TBC1D17: variants seen among roughly 807,000 people sequenced by gnomAD.
TBC1D17 encodes the protein TBC1 domain family, member 17.
TBC1D17 carries 69 observed loss-of-function variants against 78.8 expected under a neutral mutation model. The ratio of observed to expected loss-of-function variants is 0.88; its 90% CI spans 0.72 to 1.07. TBC1D17 has a LOEUF of 1.07. Ranked by LOEUF, TBC1D17 falls within the 50% of genes least tolerant of loss-of-function variation. The pLI, the probability that TBC1D17 is intolerant of heterozygous loss-of-function variation, is 0.00. For missense variants in TBC1D17, 957 were observed against 861.0 expected (o/e 1.11, Z -1.39); for synonymous variants, 456 against 358.3 (o/e 1.27, Z -3.08).
rs1175992294 is a variant in TBC1D17, at chr19:49,881,291, G to T, written c.343G>T (p.Gly115Cys). The T allele has an allele frequency of 1.2e-6, 2 of 1,612,940 alleles. No individual in the cohort carries two copies. Among genetic ancestry groups the T allele is most frequent in the Non-Finnish European group, 1.7e-6 (2 of 1,179,950 alleles). ...TRGAEPSCPQGSWAFSVSLGE... is the reference protein window; with the variant it reads ...TRGAEPSCPQCSWAFSVSLGE... ...AGGTGCAGAGCCCAGCTGCCCCCAG[G>T]GCTCCTGGGCCTTCTCAGTGAGTCT... The change falls in exon 5 of 17, where the codon GGC (glycine) becomes TGC (cysteine). Residue 115 changes from glycine to cysteine, a missense_variant. Physicochemically the swap from Gly to Cys is radical, Grantham distance 159. Transcript: ENST00000221543.
intron 4 of TBC1D17, 138 bp from the exon 5 acceptor site, chr19:49,881,130 G>A (rs538484779): frequency 1.7e-4 from 120 of 689,898 alleles, no homozygotes; most frequent in Non-Finnish European, 2.7e-4. Flanking sequence ...TCCAAGGAAT[G>A]TGAGGCCAGG....
At chr19:49,883,397 G>T (rs1393156899) in intron 9 of TBC1D17, among the ~76,000 whole-genome samples, 1 of 152,188 alleles carries the variant, frequency 6.6e-6, no homozygotes, top group Non-Finnish European at 1.5e-5. Flanking sequence ...AGTGCTGGAC[G>T]ATTCCCTGTC....
In TBC1D17 at chr19:49,880,268, C is replaced by T; in HGVS notation, c.196-11C>T. 2 of 1,613,816 alleles carry T rather than the reference C, an allele frequency of 1.2e-6. No homozygotes were observed. The highest frequency in any genetic ancestry group is 8.5e-7 in the Non-Finnish European group (1 of 1,179,832). ...ATGGCCCCTTACTGTCTGCTCCTTT[C>T]CTCTCCTAAGGACTCCAGTGGGGGT... On this transcript the variant is annotated splice_polypyrimidine_tract_variant and intron_variant, in intron 3 of 16. Coordinates refer to ENST00000221543, the MANE Select transcript of TBC1D17 (RefSeq NM_024682.3).
Position 49,883,044 on chromosome 19 carries a change from T to C in TBC1D17, c.999T>C (p.Ala333=). The C allele has an allele frequency of 6.2e-7, 1 of 1,610,846 alleles. No homozygotes were observed. The highest frequency in any genetic ancestry group is 8.5e-7 in the Non-Finnish European group (1 of 1,178,774). The change falls in exon 9 of 17, where the codon GCT becomes GCC. Residue 333 remains alanine, a synonymous_variant. Coordinates refer to ENST00000221543, the MANE Select transcript of TBC1D17 (RefSeq NM_024682.3). ...GGTACCTCAGCTGGGAAGGCACAGC[T>C]GAGGAGCACAAGGCCCACATACGCA... The part of the protein sequence containing the change: ...LLGYLSWEGT[A]EEHKAHIRKK...
intron 13 of TBC1D17, among the ~76,000 whole-genome samples, chr19:49,885,944 C>T (rs1013517482): frequency 6.2e-5 from 9 of 144,276 alleles, no homozygotes; most frequent in Non-Finnish European, 1.0e-4. Flanking sequence ...CATTGCACTC[C>T]AGCCTGGGCA....
intron 10 of TBC1D17, among the ~76,000 whole-genome samples, 194 bp from the exon 11 acceptor site, chr19:49,884,059 G>A (rs2075038090): frequency 6.6e-6 from 1 of 152,210 alleles, no homozygotes. Context: ...TAGCCAGCTG[G>A]TGAGTGGGAG....
intron 1 of TBC1D17, 182 bp from the exon 2 acceptor site, chr19:49,877,961 C>T (rs536669729): frequency 6.9e-6 from 5 of 721,688 alleles, no homozygotes; most frequent in Non-Finnish European, 8.9e-6. Flanking sequence ...AGCCCTGCCC[C>T]CTGTGGAACG....
At chr19:49,888,118 C>A in intron 15 of TBC1D17, 113 bp from the exon 16 acceptor site, 2 of 1,514,264 alleles carry the variant, frequency 1.3e-6, no homozygotes, top group Non-Finnish European at 1.8e-6. Flanking sequence ...CTTCTGAGCC[C>A]CCAGAGGGCC....
intron 4 of TBC1D17, 123 bp downstream of exon 4, chr19:49,880,525 TCCAGTC>T: frequency 7.6e-7 from 1 of 1,311,768 alleles, no homozygotes. Flanking sequence ...GTCACCACCT[TCCAGTC>T]CCAGGAGCAT....
rs541377240 is a variant in TBC1D17, at chr19:49,882,119, G to C, written c.606G>C (p.Gln202His). 1.9e-6 allele frequency: 3 copies of C among 1,614,122 alleles called. No individual in the cohort carries two copies. In the African/African-American group the frequency reaches 4.0e-5, roughly 22 times the overall value. ...SALSNSFHHLQLFDQDSSNVV... is the reference protein window; with the variant it reads ...SALSNSFHHLHLFDQDSSNVV... Reference sequence around the variant, plus strand: ...TCTCCAACTCCTTCCACCACCTGCAGCTCTTTGACCAGGACAGCTCCAATG... The same window carrying C: ...TCTCCAACTCCTTCCACCACCTGCACCTCTTTGACCAGGACAGCTCCAATG... The change falls in exon 6 of 17, where the codon CAG becomes CAC. Residue 202 changes from glutamine to histidine, a missense_variant. Transcript: ENST00000221543.
chr19:49,884,642 CT>C lies in TBC1D17; in HGVS notation c.1345-16del, dbSNP rs2075044452. On this transcript the variant is annotated splice_polypyrimidine_tract_variant and intron_variant, in intron 12 of 16. Transcript: ENST00000221543. Reference sequence around the variant, plus strand: ...CCTCACGGGGTCTGCTCTTTCCCCCCTCCTTCCGTCCCACAGCAAGGGAACT... The same window carrying C: ...CCTCACGGGGTCTGCTCTTTCCCCCCCCTTCCGTCCCACAGCAAGGGAACT... 6.2e-7 allele frequency: 1 copy of C among 1,614,076 alleles called. No individual in the cohort carries two copies. Among genetic ancestry groups the C allele is most frequent in the South Asian group, 1.1e-5 (1 of 91,082 alleles).
Position 49,882,141 on chromosome 19 carries a change from A to C in TBC1D17, c.628A>C (p.Asn210His). ...GCAGCTCTTTGACCAGGACAGCTCCAATGTGGTGTCAGTGAGTGTCCCCAG... is the reference window on the plus strand; with the variant it reads ...GCAGCTCTTTGACCAGGACAGCTCCCATGTGGTGTCAGTGAGTGTCCCCAG... ...HLQLFDQDSS[N>H]VVSRFLQDPY... Residue 210 changes from asparagine to histidine, a missense_variant, in exon 6 of 17, where the codon AAT (asparagine) becomes CAT (histidine). Coordinates refer to ENST00000221543, the MANE Select transcript of TBC1D17 (RefSeq NM_024682.3). 5.0e-6 allele frequency: 8 copies of C among 1,613,988 alleles called. No homozygotes were observed. The highest frequency in any genetic ancestry group is 6.8e-6 in the Non-Finnish European group (8 of 1,179,972).
intron 13 of TBC1D17, chr19:49,885,463 A>ATATAT (rs1220259185): frequency 6.6e-6 from 1 of 150,666 alleles, no homozygotes; most frequent in African/African-American, 2.5e-5. Context: ...AAAAAAAAAA[A>ATATAT]AAAAAAATAT....
rs762966902 is a variant in TBC1D17 at position 49,887,466 on chromosome 19, C to T, written c.1445-10C>T. On this transcript the variant is annotated splice_polypyrimidine_tract_variant and intron_variant, in intron 13 of 16. Transcript: ENST00000221543. Reference sequence around the variant, plus strand: ...GGGCAAGGCTGAGTGGGCTCCATGTCATCCCCCAGATTCCCAGGACTCCGG... The same window carrying T: ...GGGCAAGGCTGAGTGGGCTCCATGTTATCCCCCAGATTCCCAGGACTCCGG... 4.3e-6 allele frequency: 7 copies of T among 1,613,116 alleles called. No individual in the cohort carries two copies. Among genetic ancestry groups the T allele is most frequent in the Admixed American group, 1.7e-5 (1 of 59,934 alleles).
chr19:49,880,137 C>T (rs2075000156), intron 3 of TBC1D17, 142 bp from the exon 4 acceptor site: 12 of 1,029,802 alleles, frequency 1.2e-5, no homozygotes, highest in Middle Eastern at 2.3e-4. Context: ...GGATTACAGG[C>T]GTGAGCCACC....
rs773132035 is a variant in TBC1D17 at position 49,887,514 on chromosome 19, T to G, written c.1483T>G (p.Trp495Gly). Residue 495 changes from tryptophan to glycine, a missense_variant, in exon 14 of 17, where the codon TGG (tryptophan) becomes GGG (glycine). Physicochemically the swap from Trp to Gly is radical, Grantham distance 184. Coordinates refer to ENST00000221543, the MANE Select transcript of TBC1D17 (RefSeq NM_024682.3). The part of the protein sequence containing the change: ...DSGSLCFCFR[W>G]LLIWFKREFP... Reference sequence around the variant, plus strand: ...CGGCTCTCTCTGCTTCTGTTTCCGGTGGCTGCTCATCTGGTTCAAGAGGGA... The same window carrying G: ...CGGCTCTCTCTGCTTCTGTTTCCGGGGGCTGCTCATCTGGTTCAAGAGGGA... 6.2e-7 allele frequency: 1 copy of G among 1,614,078 alleles called. No homozygotes were observed. The highest frequency in any genetic ancestry group is 1.7e-5 in the Admixed American group (1 of 60,022).
intron 13 of TBC1D17, chr19:49,886,830 C>G (rs111933184): frequency 1.3e-5 from 2 of 152,614 alleles, no homozygotes; most frequent in African/African-American, 4.8e-5. Context: ...GAGTCTCGCT[C>G]TGTTACCCAG....
At chr19:49,881,210 T>A in intron 4 of TBC1D17, 58 bp from the exon 5 acceptor site, 1 of 1,511,892 alleles carries the variant, frequency 6.6e-7, no homozygotes, top group Non-Finnish European at 9.1e-7. Context: ...GGGTTGTGGT[T>A]GATAAGGCTG....
Position 49,887,415 on chromosome 19 carries a change from C to T in TBC1D17, c.1445-61C>T, listed in dbSNP as rs918854390. 2.6e-6 allele frequency: 4 copies of T among 1,536,328 alleles called. No individual in the cohort carries two copies. The Admixed American group carries it at 5.3e-5, about 21-fold the overall frequency. On this transcript the variant is annotated intron_variant, in intron 13 of 16. Transcript: ENST00000221543. ...GGGGAAGGTCTTCCAGTCAGGATGA[C>T]TTCTCAAACTCTCAGTCCCAGCGCT...
Sources: gnomAD v4.1 joint callset for allele counts (sites outside exome capture counted in the v4.1 genomes callset) on GRCh38, gnomAD v4.1.1 for gene constraint, MANE v1.5 for transcripts, NCBI Gene and HGNC (gene_info 2026-07-23, HGNC 2026-07-21) for gene names.